The following ZCWPW1 variants were observed in gnomAD, a reference collection of about 807,000 sequenced individuals.
The protein encoded by ZCWPW1 is zinc finger CW-type PWWP domain protein 1.
In ZCWPW1, 56 loss-of-function variants were observed where a neutral mutation model predicts 81.3. The observed-to-expected ratio is 0.69, with a 90% CI of 0.56 to 0.86. ZCWPW1 has a LOEUF of 0.86. ZCWPW1 is among the 40% of genes least tolerant of loss of function. ZCWPW1 has a pLI of 0.00. For synonymous variants in ZCWPW1, 250 were observed against 273.7 expected (o/e 0.91, Z 0.86); for missense variants, 650 against 769.8 (o/e 0.84, Z 1.84).
At chr7:100,424,759 CG>C (rs1256191500) in intron 2 of ZCWPW1, among the ~76,000 whole-genome samples, 3 of 152,036 alleles carry the variant, frequency 2.0e-5, no homozygotes, top group Admixed American at 1.3e-4. Flanking sequence ...CGTGCCCGGC[CG>C]AAATTCTTTA....
intron 8 of ZCWPW1, among the ~76,000 whole-genome samples, chr7:100,411,834 GAAT>G (rs1050929749): frequency 2.6e-5 from 4 of 152,112 alleles, no homozygotes; most frequent in South Asian, 2.1e-4. Flanking sequence ...TTATGGCTTG[GAAT>G]AATATTTTTG....
At chr7:100,416,690 G>A (rs6957928) in intron 6 of ZCWPW1, among the ~76,000 whole-genome samples, 26,013 of 152,174 alleles carry the variant, frequency 0.17, 2,363 homozygotes, top group Middle Eastern at 0.2. Flanking sequence ...GCTCACGCCT[G>A]TAATCCCAGC....
chr7:100,423,597 TA>T (rs1305684149), intron 2 of ZCWPW1, among the ~76,000 whole-genome samples: 3 of 152,208 alleles, frequency 2.0e-5, no homozygotes, highest in African/African-American at 7.2e-5. Context: ...TGTGCTGTTC[TA>T]AAGCAACGAC....
At chr7:100,425,641 T>C (rs1347282407) in intron 1 of ZCWPW1, among the ~76,000 whole-genome samples, 1 of 152,150 alleles carries the variant, frequency 6.6e-6, no homozygotes, top group Non-Finnish European at 1.5e-5. Flanking sequence ...CTCATGTACT[T>C]TTACAAAAAC....
rs774676030 is a variant in ZCWPW1 at position 100,408,545 on chromosome 7, T to C, written c.986A>G (p.Tyr329Cys). The C allele has an allele frequency of 1.1e-4, 170 of 1,613,472 alleles. 1 individual carries two copies. Among genetic ancestry groups the C allele is most frequent in the Non-Finnish European group, 1.4e-4 (166 of 1,179,770 alleles). Residue 329 changes from tyrosine (Y) to cysteine (C), a missense_variant, in exon 10 of 18, where the codon TAC becomes TGC. Coordinates refer to ENST00000684423, the MANE Select transcript of ZCWPW1 (RefSeq NM_001386010.1). ...CTGTGTCATAATGCCCTACCAGGGG[T>C]AACCGTATTGCTTGGCCCAGATGAT... ...GSIIWAKQYG[Y>C]PWWPGMIESD... is the part of the protein sequence containing the mutation.
At chr7:100,401,685 T>C (rs540766813) in intron 17 of ZCWPW1, among the ~76,000 whole-genome samples, 6 of 152,358 alleles carry the variant, frequency 3.9e-5, no homozygotes, top group Admixed American at 1.3e-4. Flanking sequence ...TCTACCATTC[T>C]CCTGCCCCTG....
rs1180932049 is a variant in ZCWPW1, at chr7:100,420,679, C to T, written c.-29-1G>A. The stretch of plus-strand genomic sequence containing the variant: ...CTTAGAAACTACGCTTTGTGTGCCT[C>T]TGTTAGAAAAAAGAAATTAACTGCT... On this transcript the variant is annotated splice_acceptor_variant, in intron 2 of 17. Coordinates refer to ENST00000684423, the MANE Select transcript of ZCWPW1 (RefSeq NM_001386010.1). LOFTEE classifies it low-confidence loss of function (5UTR_SPLICE). 1.4e-5 allele frequency: 22 copies of T among 1,613,232 alleles called. No homozygotes were observed. Among genetic ancestry groups the T allele is most frequent in the Non-Finnish European group, 1.8e-5 (21 of 1,179,928 alleles).
At chr7:100,417,711 C>A (rs1201420406) in intron 5 of ZCWPW1, among the ~76,000 whole-genome samples, 6 of 150,244 alleles carry the variant, frequency 4.0e-5, no homozygotes, top group Non-Finnish European at 8.9e-5. Context: ...GAGTGAGACT[C>A]CATCTAAAAA....
chr7:100,419,320 A>T, intron 4 of ZCWPW1, 131 bp from the exon 5 acceptor site: 1 of 798,536 alleles, frequency 1.3e-6, no homozygotes, highest in Non-Finnish European at 2.0e-6. Context: ...AGCATACCTA[A>T]GGAGGCCATG....
intron 5 of ZCWPW1, chr7:100,417,392 G>A: frequency 2.0e-6 from 1 of 497,956 alleles, no homozygotes; most frequent in South Asian, 3.0e-5. Flanking sequence ...CCTCATTCCA[G>A]GATGGCCAGG....
Position 100,420,537 on chromosome 7 carries a change from C to T in ZCWPW1, c.28+85G>A, listed in dbSNP as rs145326024. The T allele has an allele frequency of 4.0e-3, 6,084 of 1,532,100 alleles. 20 individuals are homozygous for T. The highest frequency in any genetic ancestry group is 4.7e-3 in the Non-Finnish European group (5,240 of 1,106,764). 94.9% of individuals were successfully genotyped at this position (1,532,100 alleles called of 1,614,324 possible). A position where few individuals can be genotyped will look rare whatever the true frequency, so the allele number is the denominator to read the frequency against. On this transcript the variant is annotated intron_variant, in intron 3 of 17. Coordinates refer to ENST00000684423, the MANE Select transcript of ZCWPW1 (RefSeq NM_001386010.1). Reference sequence around the variant, plus strand: ...TGAGTGGGCACAGAATATAGGGACCCGTACCATCCTTTGGTGGAAAGGATG... The same window carrying T: ...TGAGTGGGCACAGAATATAGGGACCTGTACCATCCTTTGGTGGAAAGGATG...
intron 1 of ZCWPW1, among the ~76,000 whole-genome samples, chr7:100,426,552 C>CT (rs1351625645): frequency 6.6e-6 from 1 of 151,682 alleles, no homozygotes; most frequent in African/African-American, 2.4e-5. Flanking sequence ...TCTGATCTTC[C>CT]TTTTTGCATT....
At chr7:100,405,931 A>G (rs762871459) in intron 12 of ZCWPW1, among the ~76,000 whole-genome samples, 3 of 152,180 alleles carry the variant, frequency 2.0e-5, no homozygotes, top group African/African-American at 4.8e-5. Flanking sequence ...GGCCCTAGCA[A>G]TATTTTCAAC....
chr7:100,414,172 A>G (rs1411826817), intron 8 of ZCWPW1, among the ~76,000 whole-genome samples: 1 of 152,230 alleles, frequency 6.6e-6, no homozygotes, highest in African/African-American at 2.4e-5. Context: ...AACAAGAGGA[A>G]TGGTTTATTG....
In ZCWPW1 at chr7:100,428,680, T is replaced by C. The variant is rs2130978716; in HGVS notation, c.-249A>G. The C allele has an allele frequency of 6.6e-6, 1 of 152,300 alleles. No homozygotes were observed. The highest frequency in any genetic ancestry group is 1.9e-4 in the East Asian group (1 of 5,166). The allele number at this position is 152,300 out of a possible 1,614,324, so 9.4% of individuals were successfully genotyped here. On this transcript the variant is annotated 5_prime_UTR_variant, in exon 1 of 18. Transcript: ENST00000684423. Reference sequence around the variant, plus strand: ...GGCGCATCTCCCCGGGAAAACGGCGTAGACTCGCTTCTTCCTCATTGGCAG... The same window carrying C: ...GGCGCATCTCCCCGGGAAAACGGCGCAGACTCGCTTCTTCCTCATTGGCAG...
chr7:100,417,399 C>G, intron 5 of ZCWPW1: 1 of 486,238 alleles, frequency 2.1e-6, no homozygotes, highest in Non-Finnish European at 3.6e-6. Flanking sequence ...CCAGGATGGC[C>G]AGGTAATGAT....
At chr7:100,407,379 T>C (rs1793253385) in intron 10 of ZCWPW1, 76 bp from the exon 11 acceptor site, 1 of 1,307,060 alleles carries the variant, frequency 7.7e-7, no homozygotes. Context: ...TCAATGTACA[T>C]GCACAGAGAA....
chr7:100,416,196 T>G, intron 7 of ZCWPW1, 99 bp from the exon 8 acceptor site: 1 of 1,592,094 alleles, frequency 6.3e-7, no homozygotes. Flanking sequence ...CACAGCCTAA[T>G]AGTCTCAAGT....
At chr7:100,424,609 G>A (rs1038795396) in intron 2 of ZCWPW1, among the ~76,000 whole-genome samples, 3 of 151,884 alleles carry the variant, frequency 2.0e-5, no homozygotes, top group East Asian at 3.9e-4. Context: ...TTACAGGAGC[G>A]CACCACCACC....
Sources: gnomAD v4.1 joint callset for allele counts (sites outside exome capture counted in the v4.1 genomes callset) on GRCh38, gnomAD v4.1.1 for gene constraint, MANE v1.5 for transcripts, NCBI Gene and HGNC (gene_info 2026-07-23, HGNC 2026-07-21) for gene names.